The following JPH3 variants were observed in gnomAD, a reference collection of about 807,000 sequenced individuals.
JPH3 encodes the protein junctophilin 3, also known as junctophilin-3.
JPH3 carries 11 observed loss-of-function variants against 59.6 expected under a neutral mutation model. The observed-to-expected ratio is 0.18, with a 90% CI of 0.12 to 0.31. The LOEUF (loss-of-function observed/expected upper bound fraction) is 0.31. JPH3 is among the 10% of genes least tolerant of loss of function. JPH3 has a pLI of 1.00. For synonymous variants in JPH3, 673 were observed against 483.6 expected, an observed-to-expected ratio of 1.39 and a Z score of -5.14; for missense variants, 1,202 against 1,105.7, an observed-to-expected ratio of 1.09 and a Z score of -1.24.
intron 2 of JPH3, among the ~76,000 whole-genome samples, chr16:87,652,320 A>G (rs1163548676): frequency 6.6e-6 from 1 of 152,170 alleles, no homozygotes; most frequent in Non-Finnish European, 1.5e-5. Context: ...CACGCTGATC[A>G]CCCACAGCCA....
At chr16:87,645,107 C>T (rs1191866888) in intron 2 of JPH3, 72 bp downstream of exon 2, 3 of 1,464,248 alleles carry the variant, frequency 2.0e-6, no homozygotes, top group East Asian at 2.3e-5. Context: ...CTGTTCAGTC[C>T]TGCTGTCGCT....
In JPH3 at chr16:87,684,281, G is replaced by A. The variant is rs749461178; in HGVS notation, c.1285+15G>A. ...CCGGGAAAACGGTGAGTCTCGCCGG[G>A]CCTGATACTGGCATCGTGGGGAGGG... On this transcript the variant is annotated intron_variant, in intron 3 of 4. Coordinates refer to ENST00000284262, the MANE Select transcript of JPH3 (RefSeq NM_020655.4). 1.2e-6 allele frequency: 2 copies of A among 1,613,406 alleles called. No individual in the cohort carries two copies. The highest frequency in any genetic ancestry group is 1.7e-6 in the Non-Finnish European group (2 of 1,179,726).
chr16:87,667,879 G>T (rs765834786), intron 2 of JPH3, among the ~76,000 whole-genome samples: 7 of 152,060 alleles, frequency 4.6e-5, no homozygotes, highest in Non-Finnish European at 7.4e-5. Flanking sequence ...CCCGTTCCTA[G>T]CTCCAGGCCA....
rs114488567 is a variant in JPH3, at chr16:87,656,521, G to A, written c.1160+11486G>A. On this transcript the variant is annotated intron_variant, in intron 2 of 4. Coordinates refer to ENST00000284262, the MANE Select transcript of JPH3 (RefSeq NM_020655.4). ...AGTTCATATGAGGGTGAAGGAACTCGGCTCAGGGCCGGGCCCAGTTTCCAG... is the reference window on the plus strand; with the variant it reads ...AGTTCATATGAGGGTGAAGGAACTCAGCTCAGGGCCGGGCCCAGTTTCCAG... Among the ~76,000 whole-genome samples the A allele has an allele frequency of 4.8e-3, 738 of 152,314 alleles. 6 individuals carry two copies. Among genetic ancestry groups the A allele is most frequent in the African/African-American group, 0.017 (692 of 41,556 alleles).
chr16:87,688,077 T>C (rs2033461678), intron 3 of JPH3, among the ~76,000 whole-genome samples: 1 of 151,756 alleles, frequency 6.6e-6, no homozygotes, highest in South Asian at 2.1e-4. Flanking sequence ...GTCAGCACAG[T>C]TCTACACAGA....
At chr16:87,621,697 T>C (rs1310665404) in intron 1 of JPH3, among the ~76,000 whole-genome samples, 1 of 151,862 alleles carries the variant, frequency 6.6e-6, no homozygotes, top group Non-Finnish European at 1.5e-5. Flanking sequence ...GCAATGAGGG[T>C]GGACACTCCC....
chr16:87,652,714 ACT>A (rs1167130208), intron 2 of JPH3, among the ~76,000 whole-genome samples: 1 of 151,944 alleles, frequency 6.6e-6, no homozygotes, highest in Non-Finnish European at 1.5e-5. Flanking sequence ...GATGGTGCCT[ACT>A]CTCGTGAGTT....
intron 2 of JPH3, among the ~76,000 whole-genome samples, chr16:87,664,763 G>T (rs917420085): frequency 1.3e-4 from 20 of 152,172 alleles, no homozygotes; most frequent in Non-Finnish European, 2.8e-4. Flanking sequence ...GGGTGTGGGT[G>T]TATGACCCAC....
intron 1 of JPH3, among the ~76,000 whole-genome samples, chr16:87,622,726 C>A (rs1201789541): frequency 7.1e-6 from 1 of 141,376 alleles, no homozygotes; most frequent in African/African-American, 2.6e-5. Context: ...GGGTCTCCTC[C>A]TGATAAATCA....
At chr16:87,614,256 C>G (rs2030850978) in intron 1 of JPH3, among the ~76,000 whole-genome samples, 3 of 151,658 alleles carry the variant, frequency 2.0e-5, no homozygotes, top group Admixed American at 6.6e-5. Flanking sequence ...CACGTCCCCT[C>G]CCAGGATAAA....
At chr16:87,690,816 C>T (rs1355499294) in intron 4 of JPH3, among the ~76,000 whole-genome samples, 3 of 152,240 alleles carry the variant, frequency 2.0e-5, no homozygotes, top group Admixed American at 6.5e-5. Context: ...CTGCGCTCCC[C>T]GCAACGTGCT....
chr16:87,662,387 A>G (rs982288825), intron 2 of JPH3, among the ~76,000 whole-genome samples: 1 of 150,616 alleles, frequency 6.6e-6, no homozygotes, highest in South Asian at 2.1e-4. Context: ...GGACAGCCGG[A>G]TTTTCCCCTC....
chr16:87,670,872 A>G (rs200662390), intron 2 of JPH3, among the ~76,000 whole-genome samples: 1 of 151,310 alleles, frequency 6.6e-6, no homozygotes, highest in Non-Finnish European at 1.5e-5. Flanking sequence ...TGGGGACGGG[A>G]GGGGGGTCAG....
At chr16:87,644,028 CGCAGGAGGCTGAG>C (rs1211951394) in intron 1 of JPH3, among the ~76,000 whole-genome samples, 1 of 152,160 alleles carries the variant, frequency 6.6e-6, no homozygotes, top group South Asian at 2.1e-4. Flanking sequence ...GTCCCAGCTG[CGCAGGAGGCTGAG>C]GCAGGAGGAT....
chr16:87,620,615 C>T (rs1469012646), intron 1 of JPH3, among the ~76,000 whole-genome samples: 1 of 152,126 alleles, frequency 6.6e-6, no homozygotes, highest in Non-Finnish European at 1.5e-5. Flanking sequence ...CCCCTCCCTT[C>T]CAGGTTTTGA....
At chr16:87,649,958 G>A (rs551104458) in intron 2 of JPH3, among the ~76,000 whole-genome samples, 101 of 152,352 alleles carry the variant, frequency 6.6e-4, no homozygotes, top group African/African-American at 2.2e-3. Flanking sequence ...TCGTGCAAAC[G>A]TTGCTGTGAA....
At chr16:87,664,494 A>T (rs1358950113) in intron 2 of JPH3, among the ~76,000 whole-genome samples, 1 of 151,876 alleles carries the variant, frequency 6.6e-6, no homozygotes, top group Non-Finnish European at 1.5e-5. Context: ...GCGTGGTGGC[A>T]TGCGCCTGTA....
At chr16:87,634,936 T>C (rs754793192) in intron 1 of JPH3, among the ~76,000 whole-genome samples, 2 of 152,214 alleles carry the variant, frequency 1.3e-5, no homozygotes, top group Admixed American at 6.5e-5. Flanking sequence ...AGTTTCCTTC[T>C]TTAAGTGGAC....
At chr16:87,638,623 T>A (rs2031837177) in intron 1 of JPH3, among the ~76,000 whole-genome samples, 1 of 151,266 alleles carries the variant, frequency 6.6e-6, no homozygotes, top group African/African-American at 2.5e-5. Context: ...ATGGCAGGGC[T>A]TGGGGAGTGA....
Sources: gnomAD v4.1 joint callset for allele counts (sites outside exome capture counted in the v4.1 genomes callset) on GRCh38, gnomAD v4.1.1 for gene constraint, MANE v1.5 for transcripts, NCBI Gene and HGNC (gene_info 2026-07-23, HGNC 2026-07-21) for gene names.